The following SNX25 variants were observed in gnomAD, a reference collection of about 807,000 sequenced individuals.
SNX25 encodes sorting nexin 25.
In SNX25, 62 loss-of-function variants were observed where a neutral mutation model predicts 113.7. The observed-to-expected ratio is 0.55, with a 90% CI of 0.44 to 0.67. SNX25 has a LOEUF of 0.67. Among genes scored for constraint, SNX25 ranks in the 30% least tolerant of loss-of-function variants. The pLI is 0.00. For missense variants in SNX25, 1,014 were observed against 1,161.0 expected, an observed-to-expected ratio of 0.87 and a Z score of 1.84; for synonymous variants, 421 against 436.2, an observed-to-expected ratio of 0.97 and a Z score of 0.43.
intron 14 of SNX25, among the ~76,000 whole-genome samples, chr4:185,352,628 T>A (rs934412368): frequency 2.0e-5 from 3 of 152,312 alleles, no homozygotes; most frequent in Admixed American, 2.0e-4. Flanking sequence ...TTCCTCTCAG[T>A]CTTTACCTTT....
chr4:185,239,771 T>TTC, intron 1 of SNX25, among the ~76,000 whole-genome samples: 1 of 129,428 alleles, frequency 7.7e-6, no homozygotes, highest in African/African-American at 2.5e-5. Flanking sequence ...GTATTTTTTT[T>TTC]TTCTTTTTTT....
intron 5 of SNX25, among the ~76,000 whole-genome samples, chr4:185,270,180 C>T (rs192410638): frequency 3.3e-5 from 5 of 152,122 alleles, no homozygotes; most frequent in Admixed American, 2.6e-4. Context: ...GGCGAAACCC[C>T]GTCTCTACAA....
At chr4:185,216,623 G>A (rs1019247869) in intron 1 of SNX25, among the ~76,000 whole-genome samples, 3 of 148,340 alleles carry the variant, frequency 2.0e-5, no homozygotes, top group East Asian at 4.1e-4. Flanking sequence ...GGGTTCAAGC[G>A]ATTCTCCTGC....
At chr4:185,244,239 C>T (rs148049482) in intron 1 of SNX25, among the ~76,000 whole-genome samples, 108 of 152,304 alleles carry the variant, frequency 7.1e-4, no homozygotes, top group African/African-American at 2.3e-3. Flanking sequence ...GTGATCCACC[C>T]GCCTCTGCCT....
chr4:185,242,507 G>A (rs1353561225), intron 1 of SNX25, among the ~76,000 whole-genome samples: 2 of 152,172 alleles, frequency 1.3e-5, no homozygotes, highest in African/African-American at 4.8e-5. Flanking sequence ...TCAGGGAAAC[G>A]CTTACTTACA....
chr4:185,267,791 A>G (rs573179354), intron 5 of SNX25, among the ~76,000 whole-genome samples: 49 of 152,288 alleles, frequency 3.2e-4, no homozygotes, highest in African/African-American at 1.1e-3. Flanking sequence ...CTGTTGACCA[A>G]AGCCTTACTA....
chr4:185,310,095 C>T (rs1052200614), intron 6 of SNX25, among the ~76,000 whole-genome samples: 5 of 152,240 alleles, frequency 3.3e-5, no homozygotes, highest in African/African-American at 1.2e-4. Flanking sequence ...AAATAATTTC[C>T]TCAAAGAAGC....
chr4:185,244,134 A>G (rs1371089332), intron 1 of SNX25, among the ~76,000 whole-genome samples: 1 of 152,112 alleles, frequency 6.6e-6, no homozygotes, highest in African/African-American at 2.4e-5. Context: ...AGTAGCTGGG[A>G]CTACAGGTGC....
chr4:185,297,563 A>G (rs1753002819), intron 6 of SNX25, among the ~76,000 whole-genome samples: 1 of 152,188 alleles, frequency 6.6e-6, no homozygotes, highest in South Asian at 2.1e-4. Flanking sequence ...GTCTCAGTCA[A>G]TTCAGGCTGC....
intron 1 of SNX25, among the ~76,000 whole-genome samples, chr4:185,239,831 A>G (rs533298732): frequency 7.2e-6 from 1 of 138,760 alleles, no homozygotes; most frequent in African/African-American, 2.7e-5. Context: ...GGGATTTGGC[A>G]GGGTCACAGG....
chr4:185,275,716 G>A (rs1184540708), intron 5 of SNX25, among the ~76,000 whole-genome samples: 2 of 152,126 alleles, frequency 1.3e-5, no homozygotes, highest in African/African-American at 4.8e-5. Context: ...TGTTGTAAAG[G>A]AACATGAAAT....
chr4:185,356,814 A>C (rs985214310), intron 15 of SNX25, among the ~76,000 whole-genome samples: 1 of 152,200 alleles, frequency 6.6e-6, no homozygotes, highest in Non-Finnish European at 1.5e-5. Flanking sequence ...ACTTCAATAG[A>C]TGGAGGTGAA....
chr4:185,327,144 A>G (rs2095162572), intron 9 of SNX25, among the ~76,000 whole-genome samples: 1 of 152,248 alleles, frequency 6.6e-6, no homozygotes, highest in African/African-American at 2.4e-5. Flanking sequence ...TCTTAAATAC[A>G]TGTTACACTG....
chr4:185,345,487 A>G (rs2095281168), intron 12 of SNX25, among the ~76,000 whole-genome samples: 1 of 152,174 alleles, frequency 6.6e-6, no homozygotes, highest in South Asian at 2.1e-4. Context: ...TACAATCTAC[A>G]GTTTGCCACT....
chr4:185,359,912 G>A (rs1043725119), intron 16 of SNX25, among the ~76,000 whole-genome samples: 3 of 152,184 alleles, frequency 2.0e-5, no homozygotes, highest in African/African-American at 7.2e-5. Flanking sequence ...CCATTTCAGT[G>A]GGCTTTTTAT....
rs1422115488 is a variant in SNX25, at chr4:185,310,702, A to G, written c.1230A>G (p.Gln410=). ...GGAACATGAAGAGGTACATCAACCA[A>G]CTGACTGTGGCAAAGAAGCAGTGTG... ...RARNMKRYIN[Q]LTVAKKQCEK... The change falls in exon 7 of 19, where the codon CAA becomes CAG. Residue 410 remains glutamine, a synonymous_variant. Transcript: ENST00000652585. The G allele has an allele frequency of 6.2e-7, 1 of 1,614,080 alleles. No individual in the cohort carries two copies.
At chr4:185,234,854 C>T (rs1016086425) in intron 1 of SNX25, among the ~76,000 whole-genome samples, 6 of 152,098 alleles carry the variant, frequency 3.9e-5, no homozygotes, top group Admixed American at 6.6e-5. Flanking sequence ...TTTACATTGA[C>T]GTGACTCTCA....
chr4:185,291,225 A>C (rs1031217445), intron 6 of SNX25, among the ~76,000 whole-genome samples: 1 of 152,184 alleles, frequency 6.6e-6, no homozygotes, highest in Non-Finnish European at 1.5e-5. Context: ...ATACGTAACA[A>C]AATTTACCAT....
In SNX25 at chr4:185,232,309, C is replaced by T. The variant is rs1345358474; in HGVS notation, c.430-14985C>T. ...CTAGTACTACGGGGTTACAATCTTC[C>T]CGGACATCGCCTAAGTTTTATTATC... On this transcript the variant is annotated intron_variant, in intron 1 of 18. Transcript: ENST00000652585. This position sits in a 1 kb window ranked among gnomAD's most constrained non-coding sequence, Gnocchi z 4.4. Among the ~76,000 whole-genome samples the T allele has an allele frequency of 1.3e-5, 2 of 152,126 alleles. No homozygotes were observed. The highest frequency in any genetic ancestry group is 4.8e-5 in the African/African-American group (2 of 41,410).
Sources: gnomAD v4.1 joint callset for allele counts (sites outside exome capture counted in the v4.1 genomes callset) on GRCh38, gnomAD v4.1.1 for gene constraint, Gnocchi (gnomAD v3.1) non-coding constraint, MANE v1.5 for transcripts, NCBI Gene and HGNC (gene_info 2026-07-23, HGNC 2026-07-21) for gene names.